The following TRPC4 variants were observed in gnomAD, a reference collection of about 807,000 sequenced individuals.
TRPC4 encodes the protein transient receptor potential cation channel subfamily C member 4.
TRPC4 carries 49 observed loss-of-function variants against 99.4 expected under a neutral mutation model. The observed-to-expected ratio is 0.49, with a 90% CI of 0.39 to 0.63. The LOEUF (loss-of-function observed/expected upper bound fraction) is 0.63, where lower values mean the gene tolerates loss of function less well. TRPC4 is among the 20% of genes least tolerant of loss of function. The pLI is 0.00. For synonymous variants in TRPC4, 454 were observed against 425.9 expected (o/e 1.07, Z -0.81); for missense variants, 898 against 1,152.9 (o/e 0.78, Z 3.20).
chr13:37,830,661 G>A (rs1311953058), intron 1 of TRPC4, among the ~76,000 whole-genome samples: 1 of 151,074 alleles, frequency 6.6e-6, no homozygotes, highest in African/African-American at 2.4e-5. Context: ...GCAGTGAGCC[G>A]AGATCATGCC....
chr13:37,637,653 G>A (rs756881384), intron 10 of TRPC4, 28 bp from the exon 11 acceptor site: 41 of 1,539,712 alleles, frequency 2.7e-5, no homozygotes, highest in Non-Finnish European at 3.2e-5. Context: ...TGAAAAATTC[G>A]GTTATGACTT....
At chr13:37,766,409 T>C (rs1268297977) in intron 2 of TRPC4, among the ~76,000 whole-genome samples, 9 of 138,676 alleles carry the variant, frequency 6.5e-5, no homozygotes, top group Non-Finnish European at 1.5e-4. Flanking sequence ...AAAACAAATC[T>C]ATGCTAAACC....
intron 1 of TRPC4, among the ~76,000 whole-genome samples, chr13:37,785,728 T>C (rs753816694): frequency 8.5e-4 from 129 of 152,124 alleles, no homozygotes; most frequent in Admixed American, 7.9e-4. Flanking sequence ...TTATTAATAA[T>C]ACTATCAAAT....
intron 6 of TRPC4, among the ~76,000 whole-genome samples, chr13:37,659,949 CT>C (rs1566075659): frequency 1.3e-5 from 2 of 152,046 alleles, no homozygotes; most frequent in African/African-American, 4.8e-5. Context: ...GAATTTAAGT[CT>C]TCAGGAGGCA....
At chr13:37,745,475 C>CGTATATATATATATAT (rs1566138437) in intron 3 of TRPC4, among the ~76,000 whole-genome samples, 126 of 7,844 alleles carry the variant, frequency 0.016, 3 homozygotes, top group African/African-American at 0.039. Flanking sequence ...TATATATATA[C>CGTATATATATATATAT]ACACACACAC....
chr13:37,678,368 C>T (rs545962647), intron 4 of TRPC4, among the ~76,000 whole-genome samples: 149 of 151,634 alleles, frequency 9.8e-4, no homozygotes, highest in African/African-American at 3.5e-3. Context: ...AAAACGCTAG[C>T]CAGAATGATT....
chr13:37,741,191 A>G (rs950366879), intron 3 of TRPC4, among the ~76,000 whole-genome samples: 1 of 152,212 alleles, frequency 6.6e-6, no homozygotes, highest in African/African-American at 2.4e-5. Context: ...AACAAAAACT[A>G]CGGAAGGTCT....
Position 37,636,735 on chromosome 13 carries a change from TTTTTGATTGCCTTTGCCTTATTTA to T in TRPC4, c.*144_*167del. 1.1e-6 allele frequency: 1 copy of T among 896,610 alleles called. No individual in the cohort carries two copies. 55.5% of individuals were successfully genotyped at this position (896,610 alleles called of 1,614,324 possible). A position where few individuals can be genotyped will look rare whatever the true frequency, so the allele number is the denominator to read the frequency against. On this transcript the variant is annotated 3_prime_UTR_variant, in exon 11 of 11. Transcript: ENST00000379705. ...AAAAGCAGGCTACAAAACAAAAAGGTTTTTGATTGCCTTTGCCTTATTTAAACATGTTACAGGTAATATGCCACA... is the reference window on the plus strand; with the variant it reads ...AAAAGCAGGCTACAAAACAAAAAGGTAACATGTTACAGGTAATATGCCACA...
intron 5 of TRPC4, among the ~76,000 whole-genome samples, chr13:37,667,970 T>C (rs564596451): frequency 1.3e-4 from 20 of 152,216 alleles, no homozygotes; most frequent in Non-Finnish European, 2.5e-4. Flanking sequence ...TCGGGGTTCA[T>C]GGTACTGATC....
intron 3 of TRPC4, among the ~76,000 whole-genome samples, chr13:37,726,150 C>T (rs974883445): frequency 1.1e-4 from 17 of 151,616 alleles, no homozygotes; most frequent in African/African-American, 2.7e-4. Context: ...GAGCCGAGAT[C>T]GTACCACTGC....
At chr13:37,722,550 G>C (rs1361818027) in intron 3 of TRPC4, among the ~76,000 whole-genome samples, 2 of 152,028 alleles carry the variant, frequency 1.3e-5, no homozygotes, top group Non-Finnish European at 2.9e-5. Context: ...CAAACACTTG[G>C]ATTATTTTTA....
At chr13:37,789,855 T>C (rs931302236) in intron 1 of TRPC4, among the ~76,000 whole-genome samples, 1 of 152,090 alleles carries the variant, frequency 6.6e-6, no homozygotes, top group Non-Finnish European at 1.5e-5. Context: ...CACAAGACTT[T>C]AGTAATTTGC....
chr13:37,681,130 T>C (rs1427088665), intron 4 of TRPC4, among the ~76,000 whole-genome samples: 1 of 152,208 alleles, frequency 6.6e-6, no homozygotes. Flanking sequence ...TTCGACTTCC[T>C]TCATAGCTGA....
intron 1 of TRPC4, among the ~76,000 whole-genome samples, chr13:37,822,057 G>T (rs542981530): frequency 6.6e-6 from 1 of 152,010 alleles, no homozygotes; most frequent in African/African-American, 2.4e-5. Context: ...TGAAAAAAAT[G>T]CATTTGACAA....
At chr13:37,777,650 C>G (rs1956744142) in intron 2 of TRPC4, among the ~76,000 whole-genome samples, 1 of 151,960 alleles carries the variant, frequency 6.6e-6, no homozygotes, top group African/African-American at 2.4e-5. Flanking sequence ...AATCTTTTCA[C>G]ATATTTGTGT....
At position 37,639,263 on chromosome 13, in the gene TRPC4, A is replaced by G. The variant is rs1204765507; in HGVS notation, c.2116T>C (p.Tyr706His). ...ATAGTACAAGGACAACTTACTTGGT[A>G]TTGGTGATGTCTTCTCAAGTTATCA... ...AADNLRRHHQ[Y>H]QEVMRNLVKR... The change falls in exon 9 of 11, where the codon TAC becomes CAC. Residue 706 changes from tyrosine (Y) to histidine (H), a missense_variant. Tyr to His is a moderately conservative substitution (Grantham distance 83). Transcript: ENST00000379705. 1 of 1,613,592 alleles carries G rather than the reference A, an allele frequency of 6.2e-7. No homozygotes were observed. Among genetic ancestry groups the G allele is most frequent in the Non-Finnish European group, 8.5e-7 (1 of 1,179,682 alleles).
intron 3 of TRPC4, among the ~76,000 whole-genome samples, chr13:37,696,377 C>A: frequency 6.6e-6 from 1 of 152,012 alleles, no homozygotes. Flanking sequence ...TGTACATGGA[C>A]AAAGTAAGCA....
chr13:37,802,348 A>G (rs1957426823), intron 1 of TRPC4, among the ~76,000 whole-genome samples: 1 of 152,118 alleles, frequency 6.6e-6, no homozygotes, highest in African/African-American at 2.4e-5. Context: ...AGGATACCAC[A>G]TTGCATTAGT....
At chr13:37,642,292 G>A (rs2138550346) in intron 8 of TRPC4, among the ~76,000 whole-genome samples, 1 of 152,334 alleles carries the variant, frequency 6.6e-6, no homozygotes, top group African/African-American at 2.4e-5. Flanking sequence ...ACAGCCATAT[G>A]TGAGCGTTGA....
Sources: allele counts gnomAD v4.1 joint callset (sites outside exome capture counted in the v4.1 genomes callset), GRCh38; gene constraint gnomAD v4.1.1; transcripts MANE v1.5; gene names NCBI Gene and HGNC (gene_info 2026-07-23, HGNC 2026-07-21).